ZC3H12C: variants seen among roughly 807,000 people sequenced by gnomAD.
ZC3H12C encodes the protein zinc finger CCCH-type containing 12C, also known as probable ribonuclease ZC3H12C.
Under a neutral mutation model 76.3 loss-of-function variants are expected in ZC3H12C, and 20 were observed. The observed-to-expected ratio is 0.26, with a 90% CI of 0.18 to 0.38. The LOEUF (loss-of-function observed/expected upper bound fraction) is 0.38. ZC3H12C is among the 10% of genes least tolerant of loss of function. The pLI, the probability that ZC3H12C is intolerant of heterozygous loss-of-function variation, is 1.00. For missense variants in ZC3H12C, 874 were observed against 1,086.5 expected (o/e 0.80, Z 2.75); for synonymous variants, 352 against 399.6 (o/e 0.88, Z 1.42).
intron 3 of ZC3H12C, among the ~76,000 whole-genome samples, chr11:110,153,408 G>A (rs1862312801): frequency 6.6e-6 from 1 of 152,100 alleles, no homozygotes. Context: ...GGCTGGTCTC[G>A]AACTCCTGAC....
intron 3 of ZC3H12C, among the ~76,000 whole-genome samples, chr11:110,154,034 CAAAT>C (rs556075843): frequency 1.6e-4 from 25 of 152,246 alleles, no homozygotes; most frequent in African/African-American, 5.3e-4. Context: ...AAATCAAAAA[CAAAT>C]AAAGAGACCA....
chr11:110,147,243 T>A (rs774990086), intron 2 of ZC3H12C, among the ~76,000 whole-genome samples: 3 of 152,164 alleles, frequency 2.0e-5, no homozygotes, highest in African/African-American at 4.8e-5. Context: ...CTCTTTAAGA[T>A]GGGTACCATC....
chr11:110,165,870 T>A lies in ZC3H12C; in HGVS notation c.*133T>A. 1.2e-6 allele frequency: 1 copy of A among 848,670 alleles called. No individual in the cohort carries two copies. Among genetic ancestry groups the A allele is most frequent in the Non-Finnish European group, 1.8e-6 (1 of 562,314 alleles). 52.6% of individuals were successfully genotyped at this position (848,670 alleles called of 1,614,324 possible). On this transcript the variant is annotated 3_prime_UTR_variant, in exon 6 of 6. Coordinates refer to ENST00000278590, the MANE Select transcript of ZC3H12C (RefSeq NM_033390.2). ...TAGTATCCATTTATGTGAAATACTG[T>A]ATCATGGAATCTGTATGTATAGCCC... is the stretch of plus-strand genomic sequence containing the variant.
rs1489251844 is a variant in ZC3H12C at position 110,171,522 on chromosome 11, A to C, written c.*5785A>C. Reference sequence around the variant, plus strand: ...TGTGTATTTCTGTAATGGAATCTTTACAATTCCCAAAACGGTATTTTAGAC... The same window carrying C: ...TGTGTATTTCTGTAATGGAATCTTTCCAATTCCCAAAACGGTATTTTAGAC... On this transcript the variant is annotated 3_prime_UTR_variant, in exon 6 of 6. Transcript: ENST00000278590. 1 of 152,222 alleles carries C rather than the reference A, an allele frequency of 6.6e-6. No homozygotes were observed. The highest frequency in any genetic ancestry group is 1.5e-5 in the Non-Finnish European group (1 of 68,038). The allele number at this position is 152,222 out of a possible 1,614,324, so 9.4% of individuals were successfully genotyped here.
At chr11:110,118,359 A>G (rs1037748853) in intron 1 of ZC3H12C, among the ~76,000 whole-genome samples, 5 of 152,130 alleles carry the variant, frequency 3.3e-5, no homozygotes, top group African/African-American at 1.2e-4. Flanking sequence ...TGAGACATGT[A>G]AATCTTTTTC....
chr11:110,120,209 A>G (rs532006203), intron 1 of ZC3H12C, among the ~76,000 whole-genome samples: 30 of 152,284 alleles, frequency 2.0e-4, no homozygotes, highest in Non-Finnish European at 3.2e-4. Context: ...TCTGGTCACA[A>G]CATTTTTATC....
intron 1 of ZC3H12C, chr11:110,131,176 C>G: frequency 8.3e-7 from 1 of 1,205,238 alleles, no homozygotes; most frequent in South Asian, 1.3e-5. Flanking sequence ...TTAATTTGAA[C>G]TCTGTAAAAG....
chr11:110,132,233 T>A (rs1173846901), intron 1 of ZC3H12C, among the ~76,000 whole-genome samples: 2 of 138,144 alleles, frequency 1.4e-5, no homozygotes, highest in African/African-American at 3.0e-5. Context: ...GAAAAAAGAT[T>A]TTTTTTTTTA....
At chr11:110,093,705 G>C (rs1272248275) in intron 1 of ZC3H12C, among the ~76,000 whole-genome samples, 1 of 152,072 alleles carries the variant, frequency 6.6e-6, no homozygotes, top group South Asian at 2.1e-4. Flanking sequence ...GGCGAGGTGA[G>C]GCCGGGCTTC....
chr11:110,131,122 A>G, intron 1 of ZC3H12C: 1 of 1,516,912 alleles, frequency 6.6e-7, no homozygotes, highest in Non-Finnish European at 8.9e-7. Flanking sequence ...TATTTGTGCT[A>G]CTTTAATGCC....
rs1372266110 is a variant in ZC3H12C, at chr11:110,137,054, A to G, written c.413A>G (p.Gln138Arg). Residue 138 changes from glutamine to arginine, a missense_variant, in exon 2 of 6, where the codon CAA becomes CGA. Physicochemically the swap from Gln to Arg is conservative, Grantham distance 43 (BLOSUM62 1). Around this residue, in one of 3 missense-constraint regions of ZC3H12C, gnomAD observed 210 missense variants for 227.1 expected, o/e 0.92. Coordinates refer to ENST00000278590, the MANE Select transcript of ZC3H12C (RefSeq NM_033390.2). ...ATACTCAAGCGCAATGAAATTTTGCAAGACTTTAAACCTGAAGAGTCCCAG... is the reference window on the plus strand; with the variant it reads ...ATACTCAAGCGCAATGAAATTTTGCGAGACTTTAAACCTGAAGAGTCCCAG... The part of the protein sequence containing the change: ...PHILKRNEIL[Q>R]DFKPEESQTT... The G allele has an allele frequency of 1.2e-6, 2 of 1,613,834 alleles. No individual in the cohort carries two copies. Among genetic ancestry groups the G allele is most frequent in the Non-Finnish European group, 1.7e-6 (2 of 1,179,860 alleles).
Position 110,137,065 on chromosome 11 carries a change from C to G in ZC3H12C, c.424C>G (p.Pro142Ala). 6.2e-7 allele frequency: 1 copy of G among 1,613,834 alleles called. No homozygotes were observed. Among genetic ancestry groups the G allele is most frequent in the Non-Finnish European group, 8.5e-7 (1 of 1,179,870 alleles). Residue 142 changes from proline to alanine, a missense_variant, in exon 2 of 6, where the codon CCT becomes GCT. Physicochemically the swap from Pro to Ala is conservative, Grantham distance 27 (BLOSUM62 -1). Coordinates refer to ENST00000278590, the MANE Select transcript of ZC3H12C (RefSeq NM_033390.2). ...KRNEILQDFK[P>A]EESQTTSKEA... Reference sequence around the variant, plus strand: ...CAATGAAATTTTGCAAGACTTTAAACCTGAAGAGTCCCAGACTACATCCAA... The same window carrying G: ...CAATGAAATTTTGCAAGACTTTAAAGCTGAAGAGTCCCAGACTACATCCAA...
intron 2 of ZC3H12C, among the ~76,000 whole-genome samples, chr11:110,147,831 C>T (rs146630320): frequency 6.4e-4 from 97 of 152,246 alleles, no homozygotes; most frequent in African/African-American, 2.1e-3. Flanking sequence ...ATCATTTCTG[C>T]CTCCGTAGCT....
Position 110,165,636 on chromosome 11 carries a change from C to T in ZC3H12C, c.2551C>T (p.Pro851Ser), listed in dbSNP as rs553171095. Residue 851 changes from proline to serine, a missense_variant, in exon 6 of 6, where the codon CCT becomes TCT. By Grantham distance (74) the Pro-to-Ser change is moderately conservative. This residue lies in a region of ZC3H12C where 395 missense variants were observed against 434.4 expected (regional missense o/e 0.91). Transcript: ENST00000278590. The stretch of plus-strand genomic sequence containing the variant: ...TATCAATTTGTGCAACATCTTCCCC[C>T]CTGACCTTGTGAGAATTGTCATGAA... ...IYINLCNIFP[P>S]DLVRIVMKRN... The T allele has an allele frequency of 1.3e-6, 2 of 1,599,156 alleles. No individual in the cohort carries two copies. Among genetic ancestry groups the T allele is most frequent in the African/African-American group, 1.3e-5 (1 of 74,568 alleles).
intron 1 of ZC3H12C, among the ~76,000 whole-genome samples, chr11:110,133,383 T>G (rs762427273): frequency 5.3e-5 from 8 of 152,218 alleles, no homozygotes; most frequent in South Asian, 2.1e-4. Context: ...ACTGCTTGTT[T>G]AGTACACGAT....
intron 1 of ZC3H12C, among the ~76,000 whole-genome samples, chr11:110,103,268 C>A (rs976387925): frequency 6.6e-6 from 1 of 152,158 alleles, no homozygotes; most frequent in African/African-American, 2.4e-5. Context: ...TTATTTACTT[C>A]TCTTAGTAAA....
At chr11:110,111,468 CTTAT>C (rs1861426656) in intron 1 of ZC3H12C, among the ~76,000 whole-genome samples, 2 of 150,952 alleles carry the variant, frequency 1.3e-5, no homozygotes, top group African/African-American at 4.9e-5. Flanking sequence ...AAGTCAGTAA[CTTAT>C]TTTAGAAACA....
At position 110,169,342 on chromosome 11, in the gene ZC3H12C, GTGTGTGTGT is replaced by G. The variant is rs1862635419; in HGVS notation, c.*3606_*3614del. 2.1e-4 allele frequency: 4 copies of G among 19,264 alleles called. No homozygotes were observed. The highest frequency in any genetic ancestry group is 4.3e-4 in the Non-Finnish European group (4 of 9,276). The allele number at this position is 19,264 out of a possible 1,614,324, so 1.2% of individuals were successfully genotyped here. A position where few individuals can be genotyped will look rare whatever the true frequency, so the allele number is the denominator to read the frequency against. On this transcript the variant is annotated 3_prime_UTR_variant, in exon 6 of 6. Transcript: ENST00000278590. ...GACAGGTGGGAGGATGGCTCTGGGT[GTGTGTGTGT>G]GTGTGTGTGTGTGTGTGTGTGTGTG...
chr11:110,098,619 T>TA (rs1345770099), intron 1 of ZC3H12C, among the ~76,000 whole-genome samples: 1 of 152,210 alleles, frequency 6.6e-6, no homozygotes, highest in African/African-American at 2.4e-5. Flanking sequence ...ATTTTTATCT[T>TA]ATAGACTGCA....
Sources: allele counts gnomAD v4.1 joint callset (sites outside exome capture counted in the v4.1 genomes callset), GRCh38; gene constraint gnomAD v4.1.1; regional missense constraint gnomAD v4.1.1; transcripts MANE v1.5; gene names NCBI Gene and HGNC (gene_info 2026-07-23, HGNC 2026-07-21).